LRRC4C: variants seen among roughly 807,000 people sequenced by gnomAD.
The protein encoded by LRRC4C is leucine-rich repeat-containing protein 4C.
LRRC4C carries 5 observed loss-of-function variants against 33.6 expected under a neutral mutation model. The observed-to-expected ratio is 0.15, with a 90% CI of 0.08 to 0.31. The LOEUF is 0.31. Among genes scored for constraint, LRRC4C ranks in the 10% least tolerant of loss-of-function variants. The pLI, the probability that LRRC4C is intolerant of heterozygous loss-of-function variation, is 1.00. For synonymous variants in LRRC4C, 329 were observed against 302.0 expected, an observed-to-expected ratio of 1.09 and a Z score of -0.93; for missense variants, 560 against 796.7, an observed-to-expected ratio of 0.70 and a Z score of 3.58.
chr11:41,022,215 A>C (rs372705637), intron 1 of LRRC4C, among the ~76,000 whole-genome samples: 5 of 150,412 alleles, frequency 3.3e-5, no homozygotes, highest in African/African-American at 1.2e-4. Context: ...CAGAACATAT[A>C]AGTGTATATA....
intron 3 of LRRC4C, among the ~76,000 whole-genome samples, chr11:40,511,044 CTA>C (rs1955290837): frequency 1.3e-5 from 2 of 152,152 alleles, no homozygotes; most frequent in Non-Finnish European, 2.9e-5. Flanking sequence ...GAAAAATCCT[CTA>C]TTAAGCCTTA....
intron 3 of LRRC4C, among the ~76,000 whole-genome samples, chr11:40,589,999 T>C (rs1958961461): frequency 6.6e-6 from 1 of 151,656 alleles, no homozygotes; most frequent in Admixed American, 6.6e-5. Flanking sequence ...GCGTTCTCTG[T>C]ATTTCCTGAA....
At chr11:40,458,108 A>G (rs528542982) in intron 3 of LRRC4C, among the ~76,000 whole-genome samples, 2 of 152,268 alleles carry the variant, frequency 1.3e-5, no homozygotes, top group African/African-American at 4.8e-5. Flanking sequence ...GCTAGGAGGT[A>G]TTATCTTTTC....
chr11:40,773,456 T>C (rs989142943), intron 2 of LRRC4C, among the ~76,000 whole-genome samples: 25 of 150,258 alleles, frequency 1.7e-4, no homozygotes, highest in Admixed American at 1.3e-3. Context: ...TGTATCAAAA[T>C]ATCTCATGTA....
intron 3 of LRRC4C, among the ~76,000 whole-genome samples, chr11:40,624,600 G>A (rs1232929268): frequency 1.3e-5 from 2 of 152,070 alleles, no homozygotes; most frequent in Non-Finnish European, 2.9e-5. Context: ...CAAAAACCAA[G>A]CTCTGTCAAA....
intron 5 of LRRC4C, among the ~76,000 whole-genome samples, chr11:40,225,065 T>A (rs1486781536): frequency 6.6e-6 from 1 of 152,214 alleles, no homozygotes; most frequent in Non-Finnish European, 1.5e-5. Context: ...TAAAAACTTT[T>A]GTGGAAATGA....
chr11:40,320,622 C>A (rs1383289102), intron 3 of LRRC4C, among the ~76,000 whole-genome samples: 1 of 152,136 alleles, frequency 6.6e-6, no homozygotes, highest in Non-Finnish European at 1.5e-5. Context: ...AGAATTAGAA[C>A]TGGATTCAAT....
intron 2 of LRRC4C, among the ~76,000 whole-genome samples, chr11:40,706,604 T>C (rs1946180457): frequency 6.6e-6 from 1 of 152,220 alleles, no homozygotes; most frequent in Non-Finnish European, 1.5e-5. Context: ...GCTGTTTTGG[T>C]TACTGTAGGC....
At chr11:40,182,339 C>T (rs1164040282) in intron 5 of LRRC4C, among the ~76,000 whole-genome samples, 1 of 152,118 alleles carries the variant, frequency 6.6e-6, no homozygotes, top group African/African-American at 2.4e-5. Context: ...CCTCACATAC[C>T]ACCCTTGCTT....
intron 2 of LRRC4C, among the ~76,000 whole-genome samples, chr11:40,806,423 G>T (rs1951251292): frequency 6.6e-6 from 1 of 152,188 alleles, no homozygotes; most frequent in Non-Finnish European, 1.5e-5. Flanking sequence ...TGCTATGGCA[G>T]CTCAGAGCTG....
chr11:40,302,678 G>T (rs1045767243), intron 4 of LRRC4C, among the ~76,000 whole-genome samples: 1 of 152,084 alleles, frequency 6.6e-6, no homozygotes, highest in Admixed American at 6.6e-5. Context: ...TGTATTGAAC[G>T]AGCAAATATT....
chr11:40,680,243 C>T (rs536211059), intron 2 of LRRC4C, among the ~76,000 whole-genome samples: 1 of 152,190 alleles, frequency 6.6e-6, no homozygotes, highest in African/African-American at 2.4e-5. Context: ...TAGGAAGTAA[C>T]TAACTTGCTT....
At chr11:40,559,190 T>C (rs1957449976) in intron 3 of LRRC4C, among the ~76,000 whole-genome samples, 1 of 151,000 alleles carries the variant, frequency 6.6e-6, no homozygotes, top group Admixed American at 6.6e-5. Context: ...TCTTTTTTTT[T>C]TTTTTTTTTT....
In LRRC4C at chr11:40,688,649, G is replaced by A. The variant is rs149413560; in HGVS notation, c.-406-40371C>T. Among the ~76,000 whole-genome samples the A allele has an allele frequency of 1.1e-3, 163 of 152,170 alleles. 1 individual carries two copies. Among genetic ancestry groups the A allele is most frequent in the African/African-American group, 3.7e-3 (155 of 41,530 alleles). On this transcript the variant is annotated intron_variant, in intron 2 of 6. Transcript: ENST00000528697. The stretch of plus-strand genomic sequence containing the variant: ...CTCTGTGGACACCAAATGCTCCTAC[G>A]TCAGTGGAAAGGTCAGAGGGGTGAA...
chr11:40,173,160 A>G (rs144136410), intron 5 of LRRC4C, among the ~76,000 whole-genome samples: 6 of 152,226 alleles, frequency 3.9e-5, no homozygotes, highest in African/African-American at 7.2e-5. Flanking sequence ...TTGAATTTGT[A>G]CCCTCCAGAA....
Position 40,830,921 on chromosome 11 carries a change from T to C in LRRC4C, c.-407+102714A>G, listed in dbSNP as rs534917104. Among the ~76,000 whole-genome samples the C allele has an allele frequency of 3.5e-4, 53 of 152,286 alleles. 1 individual carries two copies. In the South Asian group the frequency reaches 9.9e-3, roughly 29 times the overall value. On this transcript the variant is annotated intron_variant, in intron 2 of 6. Coordinates refer to ENST00000528697, the MANE Select transcript of LRRC4C (RefSeq NM_001258419.2). ...CTTATTAGCTGCAGTAAAGTGGCTG[T>C]TGAAATGAATTACAATGTCCAGTTT...
intron 1 of LRRC4C, among the ~76,000 whole-genome samples, chr11:41,198,066 G>T (rs1254540660): frequency 6.6e-6 from 1 of 151,810 alleles, no homozygotes; most frequent in Non-Finnish European, 1.5e-5. Context: ...AAAGCTAAGT[G>T]GGATTTAAAA....
chr11:41,413,891 C>T (rs1238883992), intron 1 of LRRC4C, among the ~76,000 whole-genome samples: 3 of 152,144 alleles, frequency 2.0e-5, no homozygotes, highest in Non-Finnish European at 2.9e-5. Flanking sequence ...AATATCACAA[C>T]GGAGCTATGG....
At chr11:41,235,519 A>G (rs1947981802) in intron 1 of LRRC4C, among the ~76,000 whole-genome samples, 1 of 152,080 alleles carries the variant, frequency 6.6e-6, no homozygotes, top group Non-Finnish European at 1.5e-5. Context: ...ATACATTTGA[A>G]ATTTGCCAAA....
Sources: gnomAD v4.1 joint callset for allele counts (sites outside exome capture counted in the v4.1 genomes callset) on GRCh38, gnomAD v4.1.1 for gene constraint, MANE v1.5 for transcripts, NCBI Gene and HGNC (gene_info 2026-07-23, HGNC 2026-07-21) for gene names.